ALPK3: variants seen among roughly 807,000 people sequenced by gnomAD.
ALPK3 encodes alpha-protein kinase 3.
In ALPK3, 102 loss-of-function variants were observed where a neutral mutation model predicts 140.0. The ratio of observed to expected loss-of-function variants is 0.73; its 90% CI spans 0.62 to 0.86. The LOEUF (loss-of-function observed/expected upper bound fraction) is 0.86. ALPK3 is among the 40% of genes least tolerant of loss of function. The pLI is 0.00. For synonymous variants in ALPK3, 938 were observed against 898.5 expected, an observed-to-expected ratio of 1.04 and a Z score of -0.79; for missense variants, 2,254 against 2,208.2, an observed-to-expected ratio of 1.02 and a Z score of -0.42.
chr15:84,840,064 G>A lies in ALPK3; in HGVS notation c.785G>A (p.Gly262Asp). ...GAGACTGAGACTGCTCAGCACTCAGGTTTGGGCCTGATCAACAGTTTTGCT... is the reference window on the plus strand; with the variant it reads ...GAGACTGAGACTGCTCAGCACTCAGATTTGGGCCTGATCAACAGTTTTGCT... ...EGETETAQHS[G>D]LGLINSFASG... The change falls in exon 5 of 14, where the codon GGT (glycine) becomes GAT (aspartate). Residue 262 changes from glycine to aspartate, a missense_variant. Gly to Asp is a moderately conservative substitution (Grantham distance 94). This residue lies in a region of ALPK3 where 2,088 missense variants were observed against 2,022.9 expected (regional missense o/e 1.03). Transcript: ENST00000258888. The A allele has an allele frequency of 6.2e-7, 1 of 1,614,142 alleles. No individual in the cohort carries two copies. The highest frequency in any genetic ancestry group is 1.1e-5 in the South Asian group (1 of 91,066).
Position 84,869,004 on chromosome 15 carries a change from A to G in ALPK3, c.*548A>G, listed in dbSNP as rs955557944. 1.4e-4 allele frequency: 23 copies of G among 159,008 alleles called. No homozygotes were observed. The highest frequency in any genetic ancestry group is 5.3e-4 in the African/African-American group (22 of 41,470). The allele number at this position is 159,008 out of a possible 1,614,324, so 9.8% of individuals were successfully genotyped here. Reference sequence around the variant, plus strand: ...CTCACTGATCTCAGCTTATCCTGCAACTAACCATCCTTGAGCCCAGATGGG... The same window carrying G: ...CTCACTGATCTCAGCTTATCCTGCAGCTAACCATCCTTGAGCCCAGATGGG... On this transcript the variant is annotated 3_prime_UTR_variant, in exon 14 of 14. Coordinates refer to ENST00000258888, the MANE Select transcript of ALPK3 (RefSeq NM_020778.5).
chr15:84,840,520 C>G lies in ALPK3; in HGVS notation c.1241C>G (p.Ser414Cys), dbSNP rs758630539. 6 of 1,609,974 alleles carry G rather than the reference C, an allele frequency of 3.7e-6. No homozygotes were observed. The highest frequency in any genetic ancestry group is 5.1e-6 in the Non-Finnish European group (6 of 1,178,648). Reference protein sequence around the residue: ...GPGPGQEVYFSLKDMYLENTQ... With the variant: ...GPGPGQEVYFCLKDMYLENTQ... ...GGCCCAGGCCAGGAAGTGTATTTCTCCTTGAAGGACATGTACCTGGAGAAC... is the reference window on the plus strand; with the variant it reads ...GGCCCAGGCCAGGAAGTGTATTTCTGCTTGAAGGACATGTACCTGGAGAAC... Residue 414 changes from serine (S) to cysteine (C), a missense_variant, in exon 5 of 14, where the codon TCC becomes TGC. Physicochemically the swap from Ser to Cys is moderately radical, Grantham distance 112. Transcript: ENST00000258888.
At chr15:84,819,649 C>T (rs988360301) in intron 1 of ALPK3, among the ~76,000 whole-genome samples, 4 of 152,146 alleles carry the variant, frequency 2.6e-5, no homozygotes, top group African/African-American at 9.7e-5. Flanking sequence ...AAAGACAGTC[C>T]CTCGAGAATT....
intron 5 of ALPK3, among the ~76,000 whole-genome samples, chr15:84,854,107 GTCTT>G (rs1250973762): frequency 6.6e-6 from 1 of 151,272 alleles, no homozygotes; most frequent in Non-Finnish European, 1.5e-5. Context: ...ATATTTAAAA[GTCTT>G]TCATTTTGTG....
chr15:84,836,215 G>T (rs531889522), intron 3 of ALPK3, among the ~76,000 whole-genome samples: 1 of 152,212 alleles, frequency 6.6e-6, no homozygotes, highest in Non-Finnish European at 1.5e-5. Flanking sequence ...GCATCAAGCT[G>T]GGGGAGAGTG....
intron 5 of ALPK3, 22 bp downstream of exon 5, chr15:84,840,954 C>T (rs1198429918): frequency 3.3e-6 from 5 of 1,535,062 alleles, no homozygotes; most frequent in Non-Finnish European, 4.4e-6. Flanking sequence ...TGTTGGGTGC[C>T]TGGAGGCCGC....
rs777775538 is a variant in ALPK3 at position 84,863,617 on chromosome 15, G to A, written c.4476G>A (p.Ala1492=). 9.3e-6 allele frequency: 15 copies of A among 1,613,890 alleles called. No individual in the cohort carries two copies. The highest frequency in any genetic ancestry group is 1.7e-5 in the Admixed American group (1 of 59,996). ...TCTTCGCAGCAGAAGCCCGGGCCGC[G>A]CCTGGCTTTGGGGAGGTGCCTGAGT... ...CKIFAAEARA[A]PGFGEVPEII... The change falls in exon 11 of 14, where the codon GCG becomes GCA. Residue 1492 remains alanine (A), a synonymous_variant. Coordinates refer to ENST00000258888, the MANE Select transcript of ALPK3 (RefSeq NM_020778.5).
intron 5 of ALPK3, among the ~76,000 whole-genome samples, chr15:84,855,057 A>G (rs532977907): frequency 1.3e-5 from 2 of 152,138 alleles, no homozygotes; most frequent in South Asian, 2.1e-4. Flanking sequence ...CGGCTTAGCA[A>G]TTTTCCGGAG....
At position 84,856,783 on chromosome 15, in the gene ALPK3, A is replaced by G. The variant is rs1185843011; in HGVS notation, c.2045A>G (p.Glu682Gly). Reference sequence around the variant, plus strand: ...ACACAGGCAGGTGAGAAGATACAGGAAGACAGGAAGGCCCAGGCAGATAAG... The same window carrying G: ...ACACAGGCAGGTGAGAAGATACAGGGAGACAGGAAGGCCCAGGCAGATAAG... ...ETTQAGEKIQ[E>G]DRKAQADKGT... Residue 682 changes from glutamate to glycine, a missense_variant, in exon 6 of 14, where the codon GAA (glutamate) becomes GGA (glycine). Coordinates refer to ENST00000258888, the MANE Select transcript of ALPK3 (RefSeq NM_020778.5). The G allele has an allele frequency of 6.2e-7, 1 of 1,613,988 alleles. No individual in the cohort carries two copies. The highest frequency in any genetic ancestry group is 8.5e-7 in the Non-Finnish European group (1 of 1,180,028).
chr15:84,818,658 C>A (rs550838817), intron 1 of ALPK3, among the ~76,000 whole-genome samples: 2 of 152,186 alleles, frequency 1.3e-5, no homozygotes, highest in Non-Finnish European at 2.9e-5. Context: ...CTGGGCACTT[C>A]CTCGTGAATT....
At chr15:84,827,681 A>G (rs1963504568) in intron 3 of ALPK3, 76 bp downstream of exon 3, 5 of 1,579,354 alleles carry the variant, frequency 3.2e-6, no homozygotes, top group Non-Finnish European at 4.3e-6. Flanking sequence ...GAGGACAGGA[A>G]TGGTGGGGTG....
intron 2 of ALPK3, among the ~76,000 whole-genome samples, chr15:84,825,916 T>C (rs1963481106): frequency 6.6e-6 from 1 of 152,160 alleles, no homozygotes. Flanking sequence ...AAAAGAAGCT[T>C]ATTGCACAGA....
Position 84,817,524 on chromosome 15 carries a change from G to A in ALPK3, c.72G>A (p.Glu24=), listed in dbSNP as rs1174276609. ...GGTCGGGGGCGGGGGGCGACGGTGA[G>A]GACGACGGCCCCGTGTGGATCCCCA... is the stretch of plus-strand genomic sequence containing the variant. ...GGRSGAGGDG[E]DDGPVWIPSP... is the part of the protein sequence containing the mutation. The change falls in exon 1 of 14, where the codon GAG becomes GAA. Residue 24 remains glutamate, a synonymous_variant. Transcript: ENST00000258888. 1 of 1,486,920 alleles carries A rather than the reference G, an allele frequency of 6.7e-7. No individual in the cohort carries two copies. The allele number at this position is 1,486,920 out of a possible 1,614,324, so 92.1% of individuals were successfully genotyped here.
rs767672351 is a variant in ALPK3 at position 84,856,583 on chromosome 15, G to A, written c.1845G>A (p.Lys615=). ...AGAAGAATGTGCAGGCAGATGGGAA[G>A]ATACAAGTGGATGGAAGGACCAGGG... is the stretch of plus-strand genomic sequence containing the variant. ...GSKKNVQADG[K]IQVDGRTRGD... is the part of the protein sequence containing the mutation. The change falls in exon 6 of 14, where the codon AAG becomes AAA. Residue 615 remains lysine (K), a synonymous_variant. Transcript: ENST00000258888. 3 of 1,614,048 alleles carry A rather than the reference G, an allele frequency of 1.9e-6. No individual in the cohort carries two copies. Among genetic ancestry groups the A allele is most frequent in the African/African-American group, 2.7e-5 (2 of 74,910 alleles).
intron 5 of ALPK3, among the ~76,000 whole-genome samples, chr15:84,854,669 G>A (rs1295325797): frequency 6.6e-6 from 1 of 152,096 alleles, no homozygotes; most frequent in Non-Finnish European, 1.5e-5. Flanking sequence ...CTCTATTTCT[G>A]TTACTTGGTT....
chr15:84,817,439 GGGAGGGCGGTGCCATGGGGTCGC>G lies in ALPK3; in HGVS notation c.-6_17del. 7.8e-7 allele frequency: 1 copy of G among 1,274,536 alleles called. No individual in the cohort carries two copies. Among genetic ancestry groups the G allele is most frequent in the South Asian group, 2.6e-5 (1 of 38,020 alleles). 79.0% of individuals were successfully genotyped at this position (1,274,536 alleles called of 1,614,324 possible). Reference sequence around the variant, plus strand: ...GCGGCGAGTGCGGGGCCGGCGGTCGGGGAGGGCGGTGCCATGGGGTCGCGGAGGGCCCCCAGCCGGGGCTGGGG... The same window carrying G: ...GCGGCGAGTGCGGGGCCGGCGGTCGGGGAGGGCCCCCAGCCGGGGCTGGGG... On this transcript the variant is annotated start_lost and 5_prime_UTR_variant, in exon 1 of 14. Coordinates refer to ENST00000258888, the MANE Select transcript of ALPK3 (RefSeq NM_020778.5).
In ALPK3 at chr15:84,839,991, C is replaced by T. The variant is rs138094037; in HGVS notation, c.712C>T (p.Pro238Ser). 2.6e-5 allele frequency: 42 copies of T among 1,612,768 alleles called. No individual in the cohort carries two copies. In the African/African-American group the frequency reaches 5.3e-4, roughly 21 times the overall value. The change falls in exon 5 of 14, where the codon CCT (proline) becomes TCT (serine). Residue 238 changes from proline to serine, a missense_variant. Physicochemically the swap from Pro to Ser is moderately conservative, Grantham distance 74 (BLOSUM62 -1). Transcript: ENST00000258888. ...SGAQAPGPSVPTREPEGGTLA... is the reference protein window; with the variant it reads ...SGAQAPGPSVSTREPEGGTLA... ...GGCTCAAGCGCCGGGCCCCTCGGTC[C>T]CTACCAGGGAGCCTGAGGGTGGGAC...
At chr15:84,850,820 A>G (rs766298412) in intron 5 of ALPK3, among the ~76,000 whole-genome samples, 1 of 151,294 alleles carries the variant, frequency 6.6e-6, no homozygotes, top group East Asian at 1.9e-4. Flanking sequence ...TGCTCACACC[A>G]TTTTTATTTT....
At chr15:84,836,767 C>T (rs920581435) in intron 3 of ALPK3, among the ~76,000 whole-genome samples, 13 of 152,052 alleles carry the variant, frequency 8.5e-5, no homozygotes, top group African/African-American at 3.1e-4. Flanking sequence ...ATTTGGGAGT[C>T]CATGAGCATA....
Sources: gnomAD v4.1 joint callset for allele counts (sites outside exome capture counted in the v4.1 genomes callset) on GRCh38, gnomAD v4.1.1 for gene constraint, gnomAD v4.1.1 regional missense constraint, MANE v1.5 for transcripts, NCBI Gene and HGNC (gene_info 2026-07-23, HGNC 2026-07-21) for gene names.